Variants in PEA15 observed in about 807,000 individuals in gnomAD.
PEA15 encodes proliferation and apoptosis adaptor protein 15, also known as astrocytic phosphoprotein PEA-15.
For missense variants in PEA15, 77 were observed against 161.3 expected (o/e 0.48, Z 2.83); for synonymous variants, 60 against 61.8 (o/e 0.97, Z 0.13).
Position 160,213,571 on chromosome 1 carries a change from C to A in PEA15, c.*85C>A. ...CTCCAGGAGAGGGGGCAAGGGCAAC[C>A]CACCATCTACCCACTTACTAACCTG... On this transcript the variant is annotated 3_prime_UTR_variant, in exon 4 of 4. Coordinates refer to ENST00000360472, the MANE Select transcript of PEA15 (RefSeq NM_003768.5). The surrounding 1 kb of genome is among the most constrained non-coding windows in gnomAD (Gnocchi z 5.3). The A allele has an allele frequency of 1.7e-6, 2 of 1,157,990 alleles. No homozygotes were observed. Among genetic ancestry groups the A allele is most frequent in the Non-Finnish European group, 2.6e-6 (2 of 771,968 alleles). The allele number at this position is 1,157,990 out of a possible 1,614,324, so 71.7% of individuals were successfully genotyped here.
intron 1 of PEA15, chr1:160,211,265 G>A: frequency 9.1e-7 from 1 of 1,104,644 alleles, no homozygotes; most frequent in East Asian, 5.3e-5. Context: ...TGTTGCCAGG[G>A]TTACTGTTAG....
In PEA15 at chr1:160,208,565, G is replaced by A. The variant is rs566573694; in HGVS notation, c.-2-2978G>A. ...GAGCCCAGAGAGCAGATTTCTCCAC[G>A]AGCCCTAAGGAAATCTGAATCTCTG... On this transcript the variant is annotated intron_variant, in intron 1 of 3. Coordinates refer to ENST00000360472, the MANE Select transcript of PEA15 (RefSeq NM_003768.5). The surrounding 1 kb of genome is among the most constrained non-coding windows in gnomAD (Gnocchi z 4.1). The A allele has an allele frequency of 9.2e-6, 14 of 1,527,364 alleles. No homozygotes were observed. The highest frequency in any genetic ancestry group is 3.6e-5 in the South Asian group (3 of 83,594). 94.6% of individuals were successfully genotyped at this position (1,527,364 alleles called of 1,614,324 possible). A position where few individuals can be genotyped will look rare whatever the true frequency, so the allele number is the denominator to read the frequency against.
chr1:160,213,009 A>G lies in PEA15; in HGVS notation c.173-101A>G. On this transcript the variant is annotated intron_variant, in intron 2 of 3. Coordinates refer to ENST00000360472, the MANE Select transcript of PEA15 (RefSeq NM_003768.5). The surrounding 1 kb of genome is among the most constrained non-coding windows in gnomAD (Gnocchi z 5.3). ...CCAGTGTTGTACCCTCCCATAACCA[A>G]TGTCAGCAACTCAGCTTTGGTTCCA... is the stretch of plus-strand genomic sequence containing the variant. The G allele has an allele frequency of 1.7e-6, 2 of 1,200,458 alleles. No individual in the cohort carries two copies. The highest frequency in any genetic ancestry group is 2.5e-6 in the Non-Finnish European group (2 of 816,052). The allele number at this position is 1,200,458 out of a possible 1,614,324, so 74.4% of individuals were successfully genotyped here. A position where few individuals can be genotyped will look rare whatever the true frequency, so the allele number is the denominator to read the frequency against.
In PEA15 at chr1:160,208,618, G is replaced by GA; in HGVS notation, c.-2-2922dup. ...GAGGAAAGTGACATGGAGGATGAAG[G>GA]AAACAAGCTCTGCCAAGCCCCACCA... On this transcript the variant is annotated intron_variant, in intron 1 of 3. Coordinates refer to ENST00000360472, the MANE Select transcript of PEA15 (RefSeq NM_003768.5). This position sits in a 1 kb window ranked among gnomAD's most constrained non-coding sequence, Gnocchi z 4.1. The GA allele has an allele frequency of 1.3e-6, 2 of 1,550,548 alleles. No individual in the cohort carries two copies. Among genetic ancestry groups the GA allele is most frequent in the African/African-American group, 2.7e-5 (2 of 73,154 alleles).
chr1:160,208,554 G>C lies in PEA15; in HGVS notation c.-2-2989G>C. On this transcript the variant is annotated intron_variant, in intron 1 of 3. Transcript: ENST00000360472. This position sits in a 1 kb window ranked among gnomAD's most constrained non-coding sequence, Gnocchi z 4.1. ...AGGATTTTTCAGAGCCCAGAGAGCA[G>C]ATTTCTCCACGAGCCCTAAGGAAAT... 1 of 1,491,654 alleles carries C rather than the reference G, an allele frequency of 6.7e-7. No individual in the cohort carries two copies. Among genetic ancestry groups the C allele is most frequent in the Non-Finnish European group, 9.1e-7 (1 of 1,093,252 alleles). The allele number at this position is 1,491,654 out of a possible 1,614,324, so 92.4% of individuals were successfully genotyped here. A position where few individuals can be genotyped will look rare whatever the true frequency, so the allele number is the denominator to read the frequency against.
In PEA15 at chr1:160,208,772, A is replaced by G. The variant is rs1654717597; in HGVS notation, c.-2-2771A>G. 11 of 977,708 alleles carry G rather than the reference A, an allele frequency of 1.1e-5. No homozygotes were observed. The highest frequency in any genetic ancestry group is 1.6e-5 in the African/African-American group (1 of 61,842). 60.6% of individuals were successfully genotyped at this position (977,708 alleles called of 1,614,324 possible). On this transcript the variant is annotated intron_variant, in intron 1 of 3. Coordinates refer to ENST00000360472, the MANE Select transcript of PEA15 (RefSeq NM_003768.5). The surrounding 1 kb of genome is among the most constrained non-coding windows in gnomAD (Gnocchi z 4.1). ...GGCAAATGGATCTCTCCAAGAAGGG[A>G]GGCAACTGGGCTGCCTTTCCTTGTA...
At position 160,214,222 on chromosome 1, in the gene PEA15, TCA is replaced by T. The variant is rs1396020183; in HGVS notation, c.*737_*738del. 1 of 152,708 alleles carries T rather than the reference TCA, an allele frequency of 6.5e-6. No individual in the cohort carries two copies. The highest frequency in any genetic ancestry group is 2.4e-5 in the African/African-American group (1 of 41,386). 9.5% of individuals were successfully genotyped at this position (152,708 alleles called of 1,614,324 possible). On this transcript the variant is annotated 3_prime_UTR_variant, in exon 4 of 4. Coordinates refer to ENST00000360472, the MANE Select transcript of PEA15 (RefSeq NM_003768.5). ...GAGAGAGGGGAGCCCCCTCTTCCAC[TCA>T]GTTGTTCCTACTCAGACTGTTGCAC...
rs1654721987 is a variant in PEA15, at chr1:160,208,837, TACTC to T, written c.-2-2703_-2-2700del. On this transcript the variant is annotated intron_variant, in intron 1 of 3. Transcript: ENST00000360472. The surrounding 1 kb of genome is among the most constrained non-coding windows in gnomAD (Gnocchi z 4.1). ...TATTCCTATCCTTTCTGTCCCTTCT[TACTC>T]ACCATTCCCTACACTCCTCCCATCT... 6.8e-6 allele frequency: 4 copies of T among 590,844 alleles called. No individual in the cohort carries two copies. In the East Asian group the frequency reaches 8.8e-5, roughly 13 times the overall value. 36.6% of individuals were successfully genotyped at this position (590,844 alleles called of 1,614,324 possible).
chr1:160,214,329 T>C lies in PEA15; in HGVS notation c.*843T>C, dbSNP rs1279716341. On this transcript the variant is annotated 3_prime_UTR_variant, in exon 4 of 4. Transcript: ENST00000360472. ...ACACCACCATCTATAGGGTCCCAAC[T>C]TGGTTATTGTAGGCAACCTTCCCTC... is the stretch of plus-strand genomic sequence containing the variant. The C allele has an allele frequency of 6.6e-6, 1 of 152,560 alleles. No homozygotes were observed. Among genetic ancestry groups the C allele is most frequent in the Non-Finnish European group, 1.5e-5 (1 of 68,046 alleles). The allele number at this position is 152,560 out of a possible 1,614,324, so 9.5% of individuals were successfully genotyped here.
At position 160,213,545 on chromosome 1, in the gene PEA15, C is replaced by T; in HGVS notation, c.*59C>T. 1 of 1,507,154 alleles carries T rather than the reference C, an allele frequency of 6.6e-7. No individual in the cohort carries two copies. The highest frequency in any genetic ancestry group is 9.2e-7 in the Non-Finnish European group (1 of 1,084,192). 93.4% of individuals were successfully genotyped at this position (1,507,154 alleles called of 1,614,324 possible). ...TCATCAGACCACTCCCTTCCCCCAT[C>T]CTCCAGGAGAGGGGGCAAGGGCAAC... On this transcript the variant is annotated 3_prime_UTR_variant, in exon 4 of 4. Transcript: ENST00000360472. This position sits in a 1 kb window ranked among gnomAD's most constrained non-coding sequence, Gnocchi z 5.3.
intron 1 of PEA15, among the ~76,000 whole-genome samples, chr1:160,209,514 C>T (rs891886560): frequency 5.6e-5 from 8 of 143,106 alleles, no homozygotes; most frequent in Non-Finnish European, 1.2e-4. Flanking sequence ...CCTCCCGACA[C>T]ACACACACAC....
chr1:160,210,629 A>G (rs1034688191), intron 1 of PEA15, among the ~76,000 whole-genome samples: 9 of 152,206 alleles, frequency 5.9e-5, no homozygotes, highest in Non-Finnish European at 1.2e-4. Flanking sequence ...AGGTAGTGCC[A>G]GTAGGATGTT....
In PEA15 at chr1:160,208,571, T is replaced by C; in HGVS notation, c.-2-2972T>C. 6.5e-7 allele frequency: 1 copy of C among 1,543,062 alleles called. No individual in the cohort carries two copies. The highest frequency in any genetic ancestry group is 2.0e-5 in the Admixed American group (1 of 50,980). On this transcript the variant is annotated intron_variant, in intron 1 of 3. Transcript: ENST00000360472. This position sits in a 1 kb window ranked among gnomAD's most constrained non-coding sequence, Gnocchi z 4.1. ...AGAGAGCAGATTTCTCCACGAGCCC[T>C]AAGGAAATCTGAATCTCTGGTGAGG...
chr1:160,208,498 A>G lies in PEA15; in HGVS notation c.-3+2976A>G. 1 of 1,020,624 alleles carries G rather than the reference A, an allele frequency of 9.8e-7. No homozygotes were observed. 63.2% of individuals were successfully genotyped at this position (1,020,624 alleles called of 1,614,324 possible). A position where few individuals can be genotyped will look rare whatever the true frequency, so the allele number is the denominator to read the frequency against. On this transcript the variant is annotated intron_variant, in intron 1 of 3. Coordinates refer to ENST00000360472, the MANE Select transcript of PEA15 (RefSeq NM_003768.5). This position sits in a 1 kb window ranked among gnomAD's most constrained non-coding sequence, Gnocchi z 4.1. ...CGCCCAGACTGCCTGGTGATCCCTG[A>G]GCAGCTCTCTGCACTGCTCCAGAAA...
rs998357607 is a variant in PEA15 at position 160,215,370 on chromosome 1, C to T, written c.*1884C>T. The T allele has an allele frequency of 2.4e-4, 36 of 152,168 alleles. No homozygotes were observed. The highest frequency in any genetic ancestry group is 8.0e-4 in the African/African-American group (33 of 41,404). 9.4% of individuals were successfully genotyped at this position (152,168 alleles called of 1,614,324 possible). A position where few individuals can be genotyped will look rare whatever the true frequency, so the allele number is the denominator to read the frequency against. Reference sequence around the variant, plus strand: ...GGAATAAAGGTGATTGATTGTATTGCAACTAACTGATTTTAAAATTTCTGT... The same window carrying T: ...GGAATAAAGGTGATTGATTGTATTGTAACTAACTGATTTTAAAATTTCTGT... On this transcript the variant is annotated 3_prime_UTR_variant, in exon 4 of 4. Coordinates refer to ENST00000360472, the MANE Select transcript of PEA15 (RefSeq NM_003768.5).
In PEA15 at chr1:160,208,669, C is replaced by T; in HGVS notation, c.-2-2874C>T. 3.2e-6 allele frequency: 5 copies of T among 1,549,632 alleles called. No homozygotes were observed. Among genetic ancestry groups the T allele is most frequent in the Non-Finnish European group, 4.4e-6 (5 of 1,146,126 alleles). On this transcript the variant is annotated intron_variant, in intron 1 of 3. Transcript: ENST00000360472. This position sits in a 1 kb window ranked among gnomAD's most constrained non-coding sequence, Gnocchi z 4.1. ...TGGCCAGGCCAGACCAGCCCAGGTA[C>T]AACTGTTGATCAGTGAGAATTGAGA...
chr1:160,212,958 C>T (rs1654937823), intron 2 of PEA15, 152 bp from the exon 3 acceptor site: 2 of 718,780 alleles, frequency 2.8e-6, no homozygotes, highest in Non-Finnish European at 4.8e-6. Context: ...TAGCTTTCTT[C>T]TCCTGGATTA....
In PEA15 at chr1:160,213,341, G is replaced by C; in HGVS notation, c.328+76G>C. 6.2e-7 allele frequency: 1 copy of C among 1,612,142 alleles called. No homozygotes were observed. Among genetic ancestry groups the C allele is most frequent in the Non-Finnish European group, 8.5e-7 (1 of 1,178,266 alleles). On this transcript the variant is annotated intron_variant, in intron 3 of 3. Transcript: ENST00000360472. This position sits in a 1 kb window ranked among gnomAD's most constrained non-coding sequence, Gnocchi z 5.3. ...TATCCTTGGAGTACTTGAGTTTTGG[G>C]AGAGTGGAGGCAGATGCCCAATGGG...
rs1654691916 is a variant in PEA15, at chr1:160,208,309, G to A, written c.-3+2787G>A. On this transcript the variant is annotated intron_variant, in intron 1 of 3. Coordinates refer to ENST00000360472, the MANE Select transcript of PEA15 (RefSeq NM_003768.5). This position sits in a 1 kb window ranked among gnomAD's most constrained non-coding sequence, Gnocchi z 4.1. ...AGTTGGTTTGACCTTTGTCAGGGCT[G>A]TGCCTGGGGCCAGCTTGGAAGGAGA... 4.6e-6 allele frequency: 2 copies of A among 433,422 alleles called. No individual in the cohort carries two copies. The highest frequency in any genetic ancestry group is 2.0e-5 in the African/African-American group (1 of 50,342). The allele number at this position is 433,422 out of a possible 1,614,324, so 26.8% of individuals were successfully genotyped here.
Sources: allele counts gnomAD v4.1 joint callset (sites outside exome capture counted in the v4.1 genomes callset), GRCh38; gene constraint gnomAD v4.1.1; non-coding constraint Gnocchi (gnomAD v3.1); transcripts MANE v1.5; gene names NCBI Gene and HGNC (gene_info 2026-07-23, HGNC 2026-07-21).